The following BANK1 variants were observed in gnomAD, a reference collection of about 807,000 sequenced individuals.
BANK1 encodes B-cell scaffold protein with ankyrin repeats.
A neutral mutation model predicts 94.5 loss-of-function variants in BANK1; 95 were observed. The ratio of observed to expected loss-of-function variants is 1.00; its 90% CI spans 0.85 to 1.19. The LOEUF is 1.19. Among genes scored for constraint, BANK1 ranks in the 50% most tolerant of loss-of-function variants. The pLI, the probability that BANK1 is intolerant of heterozygous loss-of-function variation, is 0.00. For synonymous variants in BANK1, 334 were observed against 308.4 expected (o/e 1.08, Z -0.87); for missense variants, 987 against 932.2 (o/e 1.06, Z -0.77).
intron 7 of BANK1, among the ~76,000 whole-genome samples, chr4:101,987,818 T>C (rs556577756): frequency 3.3e-5 from 5 of 152,378 alleles, no homozygotes; most frequent in Non-Finnish European, 7.3e-5. Context: ...GGTATCATTA[T>C]ACTTCCTGTA....
At chr4:102,056,979 A>G (rs1400917185) in intron 11 of BANK1, among the ~76,000 whole-genome samples, 1 of 152,092 alleles carries the variant, frequency 6.6e-6, no homozygotes, top group Non-Finnish European at 1.5e-5. Context: ...CACTCCAGCC[A>G]GGGAGATGGA....
chr4:101,848,156 G>A (rs1032817537), intron 2 of BANK1, among the ~76,000 whole-genome samples: 1 of 152,202 alleles, frequency 6.6e-6, no homozygotes, highest in African/African-American at 2.4e-5. Context: ...GTGTTCGGGA[G>A]AGGAGGGTCT....
chr4:101,803,758 G>C (rs1189887117), intron 1 of BANK1, among the ~76,000 whole-genome samples: 2 of 151,880 alleles, frequency 1.3e-5, no homozygotes, highest in Non-Finnish European at 2.9e-5. Flanking sequence ...AGCACTTTGG[G>C]AGGCCGAGGC....
intron 10 of BANK1, among the ~76,000 whole-genome samples, chr4:102,042,127 G>A (rs1383454175): frequency 6.6e-6 from 1 of 151,526 alleles, no homozygotes; most frequent in African/African-American, 2.4e-5. Flanking sequence ...AACAATATTG[G>A]CAAAAAAGCA....
Position 101,952,081 on chromosome 4 carries a change from CATAA to C in BANK1, c.1206+33907_1206+33910del, listed in dbSNP as rs761786279. Among the ~76,000 whole-genome samples the C allele has an allele frequency of 6.6e-4, 100 of 151,892 alleles. 1 individual carries two copies. The highest frequency in any genetic ancestry group is 4.5e-3 in the East Asian group (23 of 5,166). ...TTACCTATTAATAAATAAATAAATGCATAAATAAATAAATAAATTGCAGAAATAA... is the reference window on the plus strand; with the variant it reads ...TTACCTATTAATAAATAAATAAATGCATAAATAAATAAATTGCAGAAATAA... On this transcript the variant is annotated intron_variant, in intron 7 of 16. Coordinates refer to ENST00000322953, the MANE Select transcript of BANK1 (RefSeq NM_017935.5).
intron 5 of BANK1, among the ~76,000 whole-genome samples, chr4:101,875,701 A>T (rs1416357642): frequency 6.6e-6 from 1 of 152,182 alleles, no homozygotes; most frequent in East Asian, 1.9e-4. Context: ...TTGTGGAGAG[A>T]GCATGTAAAC....
At chr4:101,939,031 A>T (rs1723660250) in intron 7 of BANK1, among the ~76,000 whole-genome samples, 1 of 151,692 alleles carries the variant, frequency 6.6e-6, no homozygotes, top group South Asian at 2.1e-4. Flanking sequence ...ATACTATCTG[A>T]TGAAATCTTA....
Position 101,790,890 on chromosome 4 carries a change from G to A in BANK1, c.10G>A (p.Ala4Thr). The A allele has an allele frequency of 6.5e-7, 1 of 1,538,946 alleles. No individual in the cohort carries two copies. The highest frequency in any genetic ancestry group is 8.7e-7 in the Non-Finnish European group (1 of 1,146,882). The part of the protein sequence containing the change: MLP[A>T]APGKGLGSPD... The stretch of plus-strand genomic sequence containing the variant: ...GGCTTCAACCGCCACAATGCTGCCA[G>A]CAGCGCCAGGCAAGGGGCTTGGGAG... The change falls in exon 1 of 17, where the codon GCA (alanine) becomes ACA (threonine). Residue 4 changes from alanine to threonine, a missense_variant. By Grantham distance (58) the Ala-to-Thr change is moderately conservative (BLOSUM62 0). Coordinates refer to ENST00000322953, the MANE Select transcript of BANK1 (RefSeq NM_017935.5).
At chr4:101,805,723 A>G (rs1051914523) in intron 1 of BANK1, among the ~76,000 whole-genome samples, 1 of 151,742 alleles carries the variant, frequency 6.6e-6, no homozygotes, top group Non-Finnish European at 1.5e-5. Flanking sequence ...TGAATGCCAC[A>G]TGAACAGCCT....
At chr4:101,931,321 C>T (rs1723332917) in intron 7 of BANK1, among the ~76,000 whole-genome samples, 1 of 151,680 alleles carries the variant, frequency 6.6e-6, no homozygotes, top group Non-Finnish European at 1.5e-5. Flanking sequence ...GAGCTTCATC[C>T]AATGAGTTGA....
chr4:102,006,812 T>G (rs932485234), intron 7 of BANK1, among the ~76,000 whole-genome samples: 4 of 151,266 alleles, frequency 2.6e-5, no homozygotes, highest in Admixed American at 1.3e-4. Context: ...TGGCCCACAC[T>G]TGTTTAGCTA....
intron 1 of BANK1, among the ~76,000 whole-genome samples, chr4:101,795,546 T>C (rs192066027): frequency 6.6e-6 from 1 of 152,264 alleles, no homozygotes; most frequent in African/African-American, 2.4e-5. Flanking sequence ...ACATTTTCTA[T>C]TGATTGCATT....
At chr4:102,008,242 C>T (rs147446272) in intron 7 of BANK1, among the ~76,000 whole-genome samples, 3 of 152,108 alleles carry the variant, frequency 2.0e-5, no homozygotes, top group Non-Finnish European at 4.4e-5. Context: ...GTAGACAAAC[C>T]AACATCTCTT....
intron 5 of BANK1, 114 bp from the exon 6 acceptor site, chr4:101,895,191 C>A: frequency 1.8e-6 from 1 of 549,838 alleles, no homozygotes; most frequent in Non-Finnish European, 3.2e-6. Context: ...ATCAGTATTA[C>A]TAAAGATTAG....
intron 12 of BANK1, 62 bp from the exon 13 acceptor site, chr4:102,063,013 T>A: frequency 7.3e-7 from 1 of 1,370,808 alleles, no homozygotes; most frequent in South Asian, 1.2e-5. Flanking sequence ...TAGTTGATGT[T>A]TTCATCTTGA....
intron 7 of BANK1, among the ~76,000 whole-genome samples, chr4:101,937,460 AT>A (rs1343276825): frequency 6.6e-6 from 1 of 151,986 alleles, no homozygotes; most frequent in Non-Finnish European, 1.5e-5. Context: ...AAAAGAAAAC[AT>A]TTATGTGGCC....
At chr4:101,936,560 G>T (rs1234752801) in intron 7 of BANK1, among the ~76,000 whole-genome samples, 1 of 149,950 alleles carries the variant, frequency 6.7e-6, no homozygotes, top group Non-Finnish European at 1.5e-5. Context: ...ATACATATAT[G>T]TATATGTATA....
intron 1 of BANK1, among the ~76,000 whole-genome samples, chr4:101,825,068 A>G (rs1024044285): frequency 6.6e-6 from 1 of 152,196 alleles, no homozygotes; most frequent in Non-Finnish European, 1.5e-5. Flanking sequence ...TTGTTCCTAC[A>G]GAACCATTGT....
At chr4:101,807,228 AGACT>A (rs1246611546) in intron 1 of BANK1, among the ~76,000 whole-genome samples, 2 of 152,212 alleles carry the variant, frequency 1.3e-5, no homozygotes, top group African/African-American at 2.4e-5. Flanking sequence ...AATTTTTCTT[AGACT>A]GACTTTCTTT....
Sources: gnomAD v4.1 joint callset for allele counts (sites outside exome capture counted in the v4.1 genomes callset) on GRCh38, gnomAD v4.1.1 for gene constraint, MANE v1.5 for transcripts, NCBI Gene and HGNC (gene_info 2026-07-23, HGNC 2026-07-21) for gene names.